The following MTDH variants were observed in gnomAD, a reference collection of about 807,000 sequenced individuals.
The protein encoded by MTDH is metadherin.
MTDH carries 34 observed loss-of-function variants against 72.7 expected under a neutral mutation model. The ratio of observed to expected loss-of-function variants is 0.47; its 90% CI spans 0.36 to 0.62. MTDH has a LOEUF of 0.62. MTDH is among the 20% of genes least tolerant of loss of function. MTDH has a pLI of 0.00. For synonymous variants in MTDH, 266 were observed against 268.9 expected, an observed-to-expected ratio of 0.99 and a Z score of 0.10; for missense variants, 677 against 699.4, an observed-to-expected ratio of 0.97 and a Z score of 0.36.
chr8:97,706,270 A>G (rs1814347806), intron 7 of MTDH: 1 of 155,494 alleles, frequency 6.4e-6, no homozygotes. Flanking sequence ...AATCAATTAC[A>G]AAAATGTTAT....
At chr8:97,692,789 G>A (rs1207017985) in intron 6 of MTDH, among the ~76,000 whole-genome samples, 1 of 151,512 alleles carries the variant, frequency 6.6e-6, no homozygotes, top group Non-Finnish European at 1.5e-5. Flanking sequence ...GAGTGCAGTG[G>A]CATGATTTCA....
intron 5 of MTDH, among the ~76,000 whole-genome samples, chr8:97,689,744 G>A (rs35483258): frequency 0.01 from 1,223 of 120,734 alleles, 13 homozygotes; most frequent in Non-Finnish European, 0.016. Flanking sequence ...TTTCACCCTT[G>A]TTGCCCAGGC....
chr8:97,697,967 A>C (rs1586260455), intron 6 of MTDH, among the ~76,000 whole-genome samples: 1 of 152,260 alleles, frequency 6.6e-6, no homozygotes, highest in East Asian at 1.9e-4. Context: ...ATATTAATAC[A>C]TGTGAATTTT....
rs1021070645 is a variant in MTDH at position 97,728,148 on chromosome 8, G to T, written c.*3478G>T. The T allele has an allele frequency of 6.6e-6, 1 of 152,048 alleles. No individual in the cohort carries two copies. Among genetic ancestry groups the T allele is most frequent in the African/African-American group, 2.4e-5 (1 of 41,396 alleles). 9.4% of individuals were successfully genotyped at this position (152,048 alleles called of 1,614,324 possible). ...TAAGATGTCTACTAGATATCTTTAA[G>T]ATTTTCCTGTAAACTCACTGCACAA... On this transcript the variant is annotated 3_prime_UTR_variant, in exon 12 of 12. Coordinates refer to ENST00000336273, the MANE Select transcript of MTDH (RefSeq NM_178812.4).
In MTDH at chr8:97,722,911, C is replaced by G. The variant is rs148327274; in HGVS notation, c.1554C>G (p.Thr518=). Residue 518 remains threonine (T), a synonymous_variant, in exon 11 of 12, where the codon ACC becomes ACG. Coordinates refer to ENST00000336273, the MANE Select transcript of MTDH (RefSeq NM_178812.4). ...AGACTCTTCCACCTGCTACTTCTAC[C>G]GAGCCATCTGTAATCTTATCAAAAA... The part of the protein sequence containing the change: ...PIKTLPPATS[T]EPSVILSKSD... The G allele has an allele frequency of 6.6e-5, 107 of 1,612,916 alleles. 1 individual carries two copies. Among genetic ancestry groups the G allele is most frequent in the Non-Finnish European group, 8.2e-5 (97 of 1,179,554 alleles).
chr8:97,691,719 G>A (rs571331761), intron 6 of MTDH, among the ~76,000 whole-genome samples: 2 of 152,100 alleles, frequency 1.3e-5, no homozygotes, highest in South Asian at 2.1e-4. Flanking sequence ...GTGTGTGTGT[G>A]TGTATTATAG....
intron 2 of MTDH, among the ~76,000 whole-genome samples, chr8:97,676,296 A>T (rs1015224067): frequency 1.3e-5 from 2 of 152,020 alleles, no homozygotes; most frequent in African/African-American, 4.8e-5. Flanking sequence ...TGTCTCTGGG[A>T]TGTAGAAAGT....
At chr8:97,720,714 C>T (rs542963467) in intron 10 of MTDH, among the ~76,000 whole-genome samples, 4 of 149,596 alleles carry the variant, frequency 2.7e-5, no homozygotes, top group Admixed American at 6.7e-5. Context: ...TGACGCAATC[C>T]GCAATCTCGG....
rs372547140 is a variant in MTDH, at chr8:97,670,432, C to A, written c.483+9259C>A. ...AGGAGATTGAGACCATCTTGGCCAA[C>A]AAGGTGAAGCCCCGTCTCTACTAAA... On this transcript the variant is annotated intron_variant, in intron 2 of 11. Transcript: ENST00000336273. Among the ~76,000 whole-genome samples, 8 of 152,266 alleles carry A rather than the reference C, an allele frequency of 5.3e-5. No individual in the cohort carries two copies. The East Asian group carries it at 7.7e-4, about 15-fold the overall frequency.
chr8:97,652,466 C>G (rs542142948), intron 1 of MTDH, among the ~76,000 whole-genome samples: 2 of 152,338 alleles, frequency 1.3e-5, no homozygotes, highest in South Asian at 4.1e-4. Flanking sequence ...TATTTTCTGT[C>G]TCAACCCCTT....
intron 10 of MTDH, among the ~76,000 whole-genome samples, chr8:97,721,948 C>G (rs1815146250): frequency 6.6e-6 from 1 of 152,200 alleles, no homozygotes; most frequent in Non-Finnish European, 1.5e-5. Flanking sequence ...GAAGCTGTTG[C>G]TGCTGCTATT....
chr8:97,646,768 G>A (rs1012774304), intron 1 of MTDH, among the ~76,000 whole-genome samples: 8 of 152,202 alleles, frequency 5.3e-5, no homozygotes, highest in African/African-American at 1.7e-4. Context: ...TAAACCTAGC[G>A]TTAGCTTTGA....
intron 1 of MTDH, among the ~76,000 whole-genome samples, chr8:97,660,140 C>T (rs560416998): frequency 2.0e-5 from 3 of 152,194 alleles, no homozygotes; most frequent in Admixed American, 1.3e-4. Context: ...GCCTGGGCAA[C>T]AAGAGCGAAA....
chr8:97,680,049 A>C (rs928144116), intron 2 of MTDH, among the ~76,000 whole-genome samples: 16 of 152,106 alleles, frequency 1.1e-4, no homozygotes, highest in African/African-American at 3.6e-4. Flanking sequence ...ATGATTATTT[A>C]TCAAAGCCTT....
Position 97,704,819 on chromosome 8 carries a change from A to G in MTDH, c.1148-1807A>G, listed in dbSNP as rs1352512106. Among the ~76,000 whole-genome samples, 4 of 152,190 alleles carry G rather than the reference A, an allele frequency of 2.6e-5. No homozygotes were observed. The South Asian group carries it at 6.2e-4, about 24-fold the overall frequency. ...TATATATTCCTGTTAAACAAAAACAATAATAGAGTTCACCTGGAAAAATAA... is the reference window on the plus strand; with the variant it reads ...TATATATTCCTGTTAAACAAAAACAGTAATAGAGTTCACCTGGAAAAATAA... On this transcript the variant is annotated intron_variant, in intron 7 of 11. Transcript: ENST00000336273.
chr8:97,697,150 A>ATCTTTTTTTTTTTTT, intron 6 of MTDH, among the ~76,000 whole-genome samples: 1 of 68,838 alleles, frequency 1.5e-5, no homozygotes, highest in Non-Finnish European at 2.5e-5. Context: ...ATATATATAT[A>ATCTTTTTTTTTTTTT]TTTTTTTTTT....
At chr8:97,705,577 G>A (rs1380104558) in intron 7 of MTDH, among the ~76,000 whole-genome samples, 1 of 152,196 alleles carries the variant, frequency 6.6e-6, no homozygotes, top group African/African-American at 2.4e-5. Context: ...TCCAGCTTGG[G>A]CGACAGAGCA....
intron 10 of MTDH, among the ~76,000 whole-genome samples, chr8:97,721,602 C>T (rs548481377): frequency 6.6e-6 from 1 of 152,214 alleles, no homozygotes; most frequent in Non-Finnish European, 1.5e-5. Flanking sequence ...ATTACTTACC[C>T]TTCTTTCTAT....
chr8:97,720,159 C>T (rs1268768003), intron 10 of MTDH, among the ~76,000 whole-genome samples: 5 of 152,126 alleles, frequency 3.3e-5, no homozygotes, highest in Non-Finnish European at 5.9e-5. Flanking sequence ...GTGGCAGGCA[C>T]CTGTAATCCC....
Sources: gnomAD v4.1 joint callset for allele counts (sites outside exome capture counted in the v4.1 genomes callset) on GRCh38, gnomAD v4.1.1 for gene constraint, MANE v1.5 for transcripts, NCBI Gene and HGNC (gene_info 2026-07-23, HGNC 2026-07-21) for gene names.